The following AKAP6 variants were observed in gnomAD, a reference collection of about 807,000 sequenced individuals.
AKAP6 encodes A-kinase anchoring protein 6, also known as A-kinase anchor protein 6.
In AKAP6, 58 loss-of-function variants were observed where a neutral mutation model predicts 188.5. The observed-to-expected ratio is 0.31, with a 90% CI of 0.25 to 0.38. The LOEUF is 0.38. Among genes scored for constraint, AKAP6 ranks in the 10% least tolerant of loss-of-function variants. AKAP6 has a pLI of 1.00. For missense variants in AKAP6, 2,710 were observed against 2,740.0 expected, an observed-to-expected ratio of 0.99 and a Z score of 0.24; for synonymous variants, 989 against 998.6, an observed-to-expected ratio of 0.99 and a Z score of 0.18.
intron 11 of AKAP6, among the ~76,000 whole-genome samples, chr14:32,751,527 G>T: frequency 2.3e-5 from 3 of 127,680 alleles, no homozygotes; most frequent in Admixed American, 9.2e-5. Context: ...CTGGGAACTT[G>T]GTGAGTCCTA....
chr14:32,804,032 GTATCACCACCT>G (rs2034025051), intron 12 of AKAP6, among the ~76,000 whole-genome samples: 1 of 152,140 alleles, frequency 6.6e-6, no homozygotes, highest in Non-Finnish European at 1.5e-5. Context: ...TATAACTGCA[GTATCACCACCT>G]TAGCCCAACC....
chr14:32,532,630 G>A (rs1461059015), intron 2 of AKAP6, among the ~76,000 whole-genome samples: 2 of 152,126 alleles, frequency 1.3e-5, no homozygotes, highest in Non-Finnish European at 2.9e-5. Flanking sequence ...GTGTGGAGTA[G>A]ATGAGAAATG....
At chr14:32,536,568 G>A (rs796672983) in intron 3 of AKAP6, among the ~76,000 whole-genome samples, 8 of 152,242 alleles carry the variant, frequency 5.3e-5, no homozygotes, top group African/African-American at 1.9e-4. Context: ...AGAAGTGTTT[G>A]TTCAGCAAAC....
chr14:32,820,416 A>C (rs149796970), intron 12 of AKAP6, among the ~76,000 whole-genome samples: 17 of 152,186 alleles, frequency 1.1e-4, no homozygotes, highest in African/African-American at 3.9e-4. Flanking sequence ...GTCAAGCTCT[A>C]TCTAAACAGA....
intron 2 of AKAP6, among the ~76,000 whole-genome samples, chr14:32,526,360 G>A (rs1882125128): frequency 6.6e-6 from 1 of 152,146 alleles, no homozygotes; most frequent in South Asian, 2.1e-4. Flanking sequence ...AGCCTCCAGA[G>A]TAGCTTGGAT....
intron 2 of AKAP6, among the ~76,000 whole-genome samples, chr14:32,491,735 T>C (rs1880026726): frequency 6.6e-6 from 1 of 152,232 alleles, no homozygotes; most frequent in Admixed American, 6.5e-5. Context: ...TATTGTTTGC[T>C]TTTAAAAATT....
At chr14:32,717,539 A>G (rs764302052) in intron 9 of AKAP6, among the ~76,000 whole-genome samples, 2 of 151,810 alleles carry the variant, frequency 1.3e-5, no homozygotes, top group African/African-American at 4.8e-5. Flanking sequence ...GCATCTATGC[A>G]TCTCCATCAT....
intron 7 of AKAP6, among the ~76,000 whole-genome samples, chr14:32,635,076 A>G (rs1236117588): frequency 1.3e-5 from 2 of 152,014 alleles, no homozygotes; most frequent in African/African-American, 4.8e-5. Context: ...AGAGAAGATC[A>G]TTCCTAGCTA....
At chr14:32,753,571 A>G (rs140612927) in intron 11 of AKAP6, among the ~76,000 whole-genome samples, 161 of 152,164 alleles carry the variant, frequency 1.1e-3, no homozygotes, top group Non-Finnish European at 1.0e-3. Flanking sequence ...TCGAGGTCAT[A>G]TCCCAAAACT....
At chr14:32,682,995 C>CTTTTTTTTTTTGTTTTTG (rs71115090) in intron 8 of AKAP6, among the ~76,000 whole-genome samples, 2 of 142,334 alleles carry the variant, frequency 1.4e-5, no homozygotes, top group Admixed American at 7.1e-5. Context: ...TTTTTTCTTC[C>CTTTTTTTTTTTGTTTTTG]TTTTTTTTTT....
intron 2 of AKAP6, among the ~76,000 whole-genome samples, chr14:32,527,468 G>A (rs1329665160): frequency 8.5e-5 from 13 of 152,150 alleles, no homozygotes; most frequent in Admixed American, 7.9e-4. Context: ...ACTCCTTTGG[G>A]TAAAAACCAA....
chr14:32,535,342 A>T (rs1375176902), intron 2 of AKAP6, among the ~76,000 whole-genome samples: 1 of 152,142 alleles, frequency 6.6e-6, no homozygotes, highest in African/African-American at 2.4e-5. Flanking sequence ...GGTTTAGAAA[A>T]AGATTGATTT....
At chr14:32,731,194 T>C (rs1398560951) in intron 9 of AKAP6, among the ~76,000 whole-genome samples, 3 of 152,170 alleles carry the variant, frequency 2.0e-5, no homozygotes, top group South Asian at 2.1e-4. Flanking sequence ...GCATGTTTAG[T>C]GTAAATGAAA....
At chr14:32,825,357 C>T (rs544038674) in intron 13 of AKAP6, among the ~76,000 whole-genome samples, 2 of 152,220 alleles carry the variant, frequency 1.3e-5, no homozygotes, top group South Asian at 4.2e-4. Flanking sequence ...CTCCTAATCA[C>T]GGCCATGTCT....
chr14:32,393,746 T>G (rs756698790), intron 1 of AKAP6, among the ~76,000 whole-genome samples: 1 of 152,120 alleles, frequency 6.6e-6, no homozygotes, highest in Non-Finnish European at 1.5e-5. Flanking sequence ...AGGTTCTAGT[T>G]ATCTTCTTGG....
chr14:32,475,823 G>A (rs1420971786), intron 2 of AKAP6, among the ~76,000 whole-genome samples: 10 of 151,434 alleles, frequency 6.6e-5, no homozygotes, highest in African/African-American at 1.9e-4. Flanking sequence ...GACTACAGGC[G>A]CCCGCCACCA....
In AKAP6 at chr14:32,611,098, G is replaced by A. The variant is rs180810516; in HGVS notation, c.2730+10306G>A. ...TGCTCTAATATAAGGAAAAAAGTAA[G>A]AGTGATAGTCTGGAAGAAGAAATAA... On this transcript the variant is annotated intron_variant, in intron 7 of 13. Transcript: ENST00000280979. Among the ~76,000 whole-genome samples the A allele has an allele frequency of 2.2e-3, 331 of 152,296 alleles. 2 individuals are homozygous for A. Among genetic ancestry groups the A allele is most frequent in the African/African-American group, 7.7e-3 (318 of 41,562 alleles).
chr14:32,486,114 G>A (rs1396665301), intron 2 of AKAP6, among the ~76,000 whole-genome samples: 1 of 152,116 alleles, frequency 6.6e-6, no homozygotes, highest in Non-Finnish European at 1.5e-5. Context: ...GTTTGTCAAG[G>A]GTCAGATGGT....
At chr14:32,467,556 A>G (rs1878533473) in intron 2 of AKAP6, among the ~76,000 whole-genome samples, 2 of 152,142 alleles carry the variant, frequency 1.3e-5, no homozygotes, top group Admixed American at 1.3e-4. Flanking sequence ...TAGAGAGGTG[A>G]TGATTTGCCC....
Sources: allele counts gnomAD v4.1 joint callset (sites outside exome capture counted in the v4.1 genomes callset), GRCh38; gene constraint gnomAD v4.1.1; transcripts MANE v1.5; gene names NCBI Gene and HGNC (gene_info 2026-07-23, HGNC 2026-07-21).